The following MORC4 variants were observed in gnomAD, a reference collection of about 807,000 sequenced individuals.
MORC4 encodes the protein MORC family CW-type zinc finger 4.
MORC4 carries 22 observed loss-of-function variants against 65.5 expected under a neutral mutation model. The observed-to-expected ratio is 0.34, with a 90% CI of 0.24 to 0.48. MORC4 has a LOEUF of 0.48. MORC4 is among the 20% of genes least tolerant of loss of function. MORC4 has a pLI of 0.99. For synonymous variants in MORC4, 267 were observed against 255.8 expected (o/e 1.04, Z -0.42); for missense variants, 624 against 703.0 (o/e 0.89, Z 1.27).
At position 106,981,488 on chromosome X, in the gene MORC4, G is replaced by T. The variant is rs751336700; in HGVS notation, c.675-11C>A. 7.6e-6 allele frequency: 9 copies of T among 1,181,400 alleles called. No homozygotes were observed. In the East Asian group the frequency reaches 2.4e-4, roughly 32 times the overall value. On this transcript the variant is annotated splice_polypyrimidine_tract_variant and intron_variant, in intron 5 of 16. Transcript: ENST00000355610. ...TTTCCATTTTTATTTCTGGGGAAAA[G>T]AGACAAGTACCAATCTAACAAAAAC...
At chrX:106,955,531 A>G (rs1015839404) in intron 13 of MORC4, among the ~76,000 whole-genome samples, 20 of 110,986 alleles carry the variant, frequency 1.8e-4, no homozygotes, top group African/African-American at 6.6e-4. Flanking sequence ...ACACACACAC[A>G]CACACACACA....
chrX:106,963,035 T>C (rs73533057), intron 9 of MORC4, among the ~76,000 whole-genome samples: 9,329 of 111,159 alleles, frequency 0.084, 1,005 homozygotes, highest in African/African-American at 0.29. Flanking sequence ...TCTCACTAAA[T>C]GGAAAAGATT....
chrX:106,993,301 C>A lies in MORC4; in HGVS notation c.237G>T (p.Lys79Asn). 8.3e-7 allele frequency: 1 copy of A among 1,207,781 alleles called. No homozygotes were observed. The highest frequency in any genetic ancestry group is 1.1e-6 in the Non-Finnish European group (1 of 891,783). ...CGGTAAAGGTCAAACAAGATTTATT[C>A]TTGACCTCCTCAACATCTATAAAGA... ...RTVFIDVEEV[K>N]NKSCLTFTDD... The change falls in exon 3 of 17, where the codon AAG becomes AAT. Residue 79 changes from lysine to asparagine, a missense_variant. Coordinates refer to ENST00000355610, the MANE Select transcript of MORC4 (RefSeq NM_024657.5).
At chrX:106,978,276 A>C in intron 7 of MORC4, 77 bp from the exon 8 acceptor site, 1 of 991,688 alleles carries the variant, frequency 1.0e-6, no homozygotes, top group Non-Finnish European at 1.4e-6. Context: ...TATAGCAAAA[A>C]CCATCAAATA....
intron 15 of MORC4, 66 bp from the exon 16 acceptor site, chrX:106,942,287 T>G: frequency 1.4e-5 from 16 of 1,113,138 alleles, no homozygotes; most frequent in Non-Finnish European, 1.9e-5. Flanking sequence ...GTTCCTCATA[T>G]GGTCATCCTG....
intron 15 of MORC4, 33 bp downstream of exon 15, chrX:106,942,482 C>T (rs1933714099): frequency 8.7e-7 from 1 of 1,148,352 alleles, no homozygotes; most frequent in South Asian, 2.0e-5. Flanking sequence ...TTACTATGGT[C>T]TCTTATTCCT....
In MORC4 at chrX:106,985,099, C is replaced by T. The variant is rs201028568; in HGVS notation, c.671G>A (p.Arg224His). 6.3e-5 allele frequency: 75 copies of T among 1,193,366 alleles called. No homozygotes were observed. The highest frequency in any genetic ancestry group is 8.0e-5 in the Non-Finnish European group (71 of 884,935). Residue 224 changes from arginine to histidine, a missense_variant, in exon 5 of 17, where the codon CGC becomes CAC. Physicochemically the swap from Arg to His is conservative, Grantham distance 29. Transcript: ENST00000355610. ...TATCACCCTTGGAATACTATACCTGCGGATGTTCCAAATGAGAACACGAGT... is the reference window on the plus strand; with the variant it reads ...TATCACCCTTGGAATACTATACCTGTGGATGTTCCAAATGAGAACACGAGT... ...KGTRVLIWNI[R>H]RNKNGKSELD...
intron 2 of MORC4, among the ~76,000 whole-genome samples, chrX:106,995,631 T>C (rs1165052639): frequency 8.9e-6 from 1 of 112,118 alleles, no homozygotes; most frequent in African/African-American, 3.2e-5. Context: ...ACATTTTCTT[T>C]ATCCATTCTT....
chrX:106,974,089 A>G (rs1451938755), intron 9 of MORC4, among the ~76,000 whole-genome samples: 1 of 111,809 alleles, frequency 8.9e-6, no homozygotes, highest in African/African-American at 3.2e-5. Flanking sequence ...CTATGAATTC[A>G]TTATGTGTAG....
At chrX:106,981,526 A>T (rs1385811593) in intron 5 of MORC4, 49 bp from the exon 6 acceptor site, 1 of 1,079,329 alleles carries the variant, frequency 9.3e-7, no homozygotes, top group East Asian at 3.1e-5. Flanking sequence ...GCTCCAGAGG[A>T]CAAAAAAATG....
intron 9 of MORC4, among the ~76,000 whole-genome samples, chrX:106,970,689 G>A (rs1432873311): frequency 9.0e-6 from 1 of 111,466 alleles, no homozygotes; most frequent in Non-Finnish European, 1.9e-5. Flanking sequence ...GAAAAACAGA[G>A]CCAAATCATG....
chrX:106,968,329 A>G (rs1260207918), intron 9 of MORC4, among the ~76,000 whole-genome samples: 1 of 111,224 alleles, frequency 9.0e-6, no homozygotes, highest in Non-Finnish European at 1.9e-5. Context: ...CTAAACATGG[A>G]TAGGAACAAC....
chrX:106,962,985 A>G (rs1474153298), intron 9 of MORC4, among the ~76,000 whole-genome samples: 1 of 111,183 alleles, frequency 9.0e-6, no homozygotes, highest in Non-Finnish European at 1.9e-5. Context: ...TGTTAAGAGA[A>G]ACTCTTCCTT....
intron 9 of MORC4, among the ~76,000 whole-genome samples, chrX:106,970,298 A>C (rs1441309101): frequency 5.3e-5 from 6 of 112,411 alleles, no homozygotes; most frequent in African/African-American, 9.7e-5. Flanking sequence ...TAAAACTCTC[A>C]AAAAACTAGG....
intron 9 of MORC4, among the ~76,000 whole-genome samples, chrX:106,970,122 AT>A (rs1934474599): frequency 8.9e-6 from 1 of 112,067 alleles, no homozygotes; most frequent in Admixed American, 9.4e-5. Context: ...CAAAAAGCTT[AT>A]CCTCCACAAT....
chrX:106,944,196 C>T (rs143748223), intron 14 of MORC4, among the ~76,000 whole-genome samples: 1 of 112,240 alleles, frequency 8.9e-6, no homozygotes, highest in African/African-American at 3.2e-5. Context: ...GTAAGACAAA[C>T]CAAACTGTAG....
chrX:106,967,081 G>C (rs371543597), intron 9 of MORC4, among the ~76,000 whole-genome samples: 4 of 111,359 alleles, frequency 3.6e-5, no homozygotes, highest in Non-Finnish European at 3.8e-5. Context: ...ATACAGGCAG[G>C]TGCCCCTCTG....
chrX:106,946,653 G>A (rs1362870566), intron 14 of MORC4, among the ~76,000 whole-genome samples: 1 of 112,079 alleles, frequency 8.9e-6, no homozygotes, highest in Admixed American at 9.5e-5. Context: ...ACTTAGGTGT[G>A]GCATTACTGA....
chrX:106,988,290 C>T (rs1934912861), intron 3 of MORC4, among the ~76,000 whole-genome samples: 1 of 111,752 alleles, frequency 8.9e-6, no homozygotes, highest in South Asian at 3.7e-4. Flanking sequence ...AGGGAGATTA[C>T]AACTCCCTTA....
Sources: gnomAD v4.1 joint callset for allele counts (sites outside exome capture counted in the v4.1 genomes callset) on GRCh38, gnomAD v4.1.1 for gene constraint, MANE v1.5 for transcripts, NCBI Gene and HGNC (gene_info 2026-07-23, HGNC 2026-07-21) for gene names.